The following SETX variants were observed in gnomAD, a reference collection of about 807,000 sequenced individuals.
The protein encoded by SETX is helicase senataxin.
SETX carries 90 observed loss-of-function variants against 227.2 expected under a neutral mutation model. The ratio of observed to expected loss-of-function variants is 0.40; its 90% confidence interval spans 0.33 to 0.47. SETX has a LOEUF of 0.47. SETX is among the 20% of genes least tolerant of loss of function. The pLI is 0.91. For synonymous variants in SETX, 1,210 were observed against 1,113.2 expected (o/e 1.09, Z -1.73); for missense variants, 3,052 against 3,181.5 (o/e 0.96, Z 0.98).
chr9:132,278,345 G>C, intron 20 of SETX, 88 bp from the exon 21 acceptor site: 1 of 1,295,298 alleles, frequency 7.7e-7, no homozygotes, highest in Non-Finnish European at 1.1e-6. Flanking sequence ...GATCTAATAC[G>C]TATATGGCAA....
chr9:132,299,952 AAC>A (rs1844891063), intron 12 of SETX, among the ~76,000 whole-genome samples: 1 of 151,972 alleles, frequency 6.6e-6, no homozygotes, highest in Non-Finnish European at 1.5e-5. Context: ...AACATGGTGA[AAC>A]CCCGTCTCCA....
chr9:132,288,608 C>T lies in SETX; in HGVS notation c.6150G>A (p.Lys2050=), dbSNP rs749214473. 3 of 1,613,876 alleles carry T rather than the reference C, an allele frequency of 1.9e-6. No individual in the cohort carries two copies. Among genetic ancestry groups the T allele is most frequent in the Non-Finnish European group, 2.5e-6 (3 of 1,179,852 alleles). The change falls in exon 16 of 26, where the codon AAG becomes AAA. Residue 2050 remains lysine (K), a synonymous_variant. Transcript: ENST00000224140. ...ACTTTAGAACCTCACTATTAATAGACTTTTCTGGACCCAGTCGTACTAAAT... is the reference window on the plus strand; with the variant it reads ...ACTTTAGAACCTCACTATTAATAGATTTTTCTGGACCCAGTCGTACTAAAT... ...DINLVRLGPE[K]SINSEVLKFS... is the part of the protein sequence containing the mutation.
In SETX at chr9:132,288,553, T is replaced by C. The variant is rs754316545; in HGVS notation, c.6205A>G (p.Met2069Val). 5.0e-6 allele frequency: 8 copies of C among 1,607,676 alleles called. No homozygotes were observed. The highest frequency in any genetic ancestry group is 5.1e-6 in the Non-Finnish European group (6 of 1,174,338). Residue 2069 changes from methionine to valine, a missense_variant, in exon 16 of 26, where the codon ATG (methionine) becomes GTG (valine). Physicochemically the swap from Met to Val is conservative, Grantham distance 21. Transcript: ENST00000224140. The stretch of plus-strand genomic sequence containing the variant: ...ATATACCACATTCAGTACTTACTCA[T>C]TCTGTGGTTTACTTGGCTGTCCAAA... ...FSLDSQVNHR[M>V]KKELPSHVQA... is the part of the protein sequence containing the mutation.
At chr9:132,333,416 T>TATATACACAC (rs779955041) in intron 7 of SETX, among the ~76,000 whole-genome samples, 1 of 88,092 alleles carries the variant, frequency 1.1e-5, no homozygotes, top group African/African-American at 5.2e-5. Context: ...AAAATATATA[T>TATATACACAC]ACACACACAC....
chr9:132,325,835 G>A (rs1362809009), intron 10 of SETX, among the ~76,000 whole-genome samples: 2 of 151,316 alleles, frequency 1.3e-5, no homozygotes, highest in Admixed American at 1.3e-4. Flanking sequence ...GGGAGGCTGA[G>A]GCAGGAGAAT....
At chr9:132,275,561 C>T (rs1261945745) in intron 22 of SETX, 141 bp from the exon 23 acceptor site, 2 of 672,572 alleles carry the variant, frequency 3.0e-6, no homozygotes, top group East Asian at 2.7e-5. Flanking sequence ...CTAGCAGTGA[C>T]TCCAAGAGGC....
At position 132,309,312 on chromosome 9, in the gene SETX, A is replaced by G. The variant is rs185267189; in HGVS notation, c.5374+2445T>C. 1.1e-4 allele frequency among the ~76,000 whole-genome samples: 16 copies of G among 152,260 alleles called. No homozygotes were observed. In the East Asian group the frequency reaches 2.9e-3, roughly 28 times the overall value. On this transcript the variant is annotated intron_variant, in intron 11 of 25. Coordinates refer to ENST00000224140, the MANE Select transcript of SETX (RefSeq NM_015046.7). ...TTAAGTGGACTCCAGACGCATGACA[A>G]ACATAGCAGTGCAGTGAAGCACAAA...
chr9:132,328,618 C>G lies in SETX; in HGVS notation c.2980G>C (p.Asp994His). The G allele has an allele frequency of 6.2e-7, 1 of 1,613,430 alleles. No homozygotes were observed. ...SSQLQRKVKE[D>H]KRCFTANQNN... ...TGGTTAGCTGTGAAACATCTTTTAT[C>G]TTCTTTTACTTTCCTTTGCAGCTGC... Residue 994 changes from aspartate to histidine, a missense_variant, in exon 10 of 26, where the codon GAT becomes CAT. Around this residue, in one of 10 missense-constraint regions of SETX, gnomAD observed 1,483 missense variants for 1,312.0 expected, o/e 1.13. Transcript: ENST00000224140.
At chr9:132,355,140 A>C (rs1424835656), upstream of SETX, among the ~76,000 whole-genome samples, 1 of 152,016 alleles carries the variant, frequency 6.6e-6, no homozygotes, top group Non-Finnish European at 1.5e-5. Context: ...GCCGCGGTGC[A>C]CCGCCCACGC....
chr9:132,307,659 C>A lies in SETX; in HGVS notation c.5374+4098G>T, dbSNP rs375800603. On this transcript the variant is annotated intron_variant, in intron 11 of 25. Coordinates refer to ENST00000224140, the MANE Select transcript of SETX (RefSeq NM_015046.7). ...AGTTCTTTTTTAAGCTTACCAGTCA[C>A]CACTGGCACTTACTAGTGATTTTTT... Among the ~76,000 whole-genome samples the A allele has an allele frequency of 3.3e-5, 5 of 151,864 alleles. No homozygotes were observed. In the East Asian group the frequency reaches 7.7e-4, roughly 23 times the overall value.
chr9:132,356,207 C>G (rs1183766), upstream of SETX, among the ~76,000 whole-genome samples: 3 of 151,554 alleles, frequency 2.0e-5, no homozygotes, highest in African/African-American at 7.3e-5. Flanking sequence ...CTATCCCCCC[C>G]CTTTTTTGTT....
rs199954758 is a variant in SETX, at chr9:132,269,601, T to G, written c.7287+14A>C. The G allele has an allele frequency of 1.2e-6, 2 of 1,613,998 alleles. No homozygotes were observed. The highest frequency in any genetic ancestry group is 1.7e-6 in the Non-Finnish European group (2 of 1,179,836). On this transcript the variant is annotated intron_variant, in intron 25 of 25. Coordinates refer to ENST00000224140, the MANE Select transcript of SETX (RefSeq NM_015046.7). ...AGTAACAATGGGTAAACTTCTGAGC[T>G]CTCTGGTACCTACCATCAGGGTCCT...
chr9:132,264,842 A>C lies in SETX; in HGVS notation c.7431T>G (p.Pro2477=). The part of the protein sequence containing the change: ...PVLQRSLTHP[P]TIAPEGSRPQ... ...GTCTGGACCCCTCTGGGGCTATGGTAGGAGGGTGAGTGAGACTTCTCTGCA... is the reference window on the plus strand; with the variant it reads ...GTCTGGACCCCTCTGGGGCTATGGTCGGAGGGTGAGTGAGACTTCTCTGCA... Residue 2477 remains proline (P), a synonymous_variant, in exon 26 of 26, where the codon CCT becomes CCG. Coordinates refer to ENST00000224140, the MANE Select transcript of SETX (RefSeq NM_015046.7). 6.2e-7 allele frequency: 1 copy of C among 1,614,148 alleles called. No individual in the cohort carries two copies. The highest frequency in any genetic ancestry group is 8.5e-7 in the Non-Finnish European group (1 of 1,180,020).
intron 11 of SETX, among the ~76,000 whole-genome samples, chr9:132,309,651 G>T (rs949685061): frequency 1.3e-5 from 2 of 151,934 alleles, no homozygotes. Flanking sequence ...GATCAGCCTG[G>T]GCAACGGCAC....
In SETX at chr9:132,296,970, C is replaced by A; in HGVS notation, c.5866G>T (p.Ala1956Ser). 1 of 1,614,070 alleles carries A rather than the reference C, an allele frequency of 6.2e-7. No individual in the cohort carries two copies. The highest frequency in any genetic ancestry group is 8.5e-7 in the Non-Finnish European group (1 of 1,179,988). ...YAMVKHSPSV[A>S]KICLIHGPPG... ...GGTCCATGAATCAAGCAGATTTTGG[C>A]AACTGATGGTGAGTGTTTCACCATA... The change falls in exon 14 of 26, where the codon GCC (alanine) becomes TCC (serine). Residue 1956 changes from alanine to serine, a missense_variant. Coordinates refer to ENST00000224140, the MANE Select transcript of SETX (RefSeq NM_015046.7).
intron 18 of SETX, among the ~76,000 whole-genome samples, chr9:132,284,884 G>C (rs1247829298): frequency 7.1e-6 from 1 of 140,632 alleles, no homozygotes; most frequent in African/African-American, 2.7e-5. Context: ...TTTTTTTGTT[G>C]TTTTTTTTTT....
rs1448617445 is a variant in SETX, at chr9:132,329,083, G to A, written c.2515C>T (p.His839Tyr). The change falls in exon 10 of 26, where the codon CAC (histidine) becomes TAC (tyrosine). Residue 839 changes from histidine to tyrosine, a missense_variant. Physicochemically the swap from His to Tyr is moderately conservative, Grantham distance 83. Around this residue, in one of 10 missense-constraint regions of SETX, gnomAD observed 1,483 missense variants for 1,312.0 expected, o/e 1.13. Coordinates refer to ENST00000224140, the MANE Select transcript of SETX (RefSeq NM_015046.7). The stretch of plus-strand genomic sequence containing the variant: ...CCACTAGGGTCTAAAGAAAGATTGT[G>A]TATGAAACCATCTCCTTTCTGAACT... ...TGVQKGDGFIHNLSLDPSGVL... is the reference protein window; with the variant it reads ...TGVQKGDGFIYNLSLDPSGVL... 1.9e-6 allele frequency: 3 copies of A among 1,610,204 alleles called. No individual in the cohort carries two copies. The highest frequency in any genetic ancestry group is 2.5e-6 in the Non-Finnish European group (3 of 1,179,362).
At chr9:132,318,927 C>T (rs1197258735) in intron 10 of SETX, among the ~76,000 whole-genome samples, 1 of 152,142 alleles carries the variant, frequency 6.6e-6, no homozygotes, top group Admixed American at 6.5e-5. Flanking sequence ...CTTCCCATCC[C>T]AAGAACCCAA....
rs1414494401 is a variant in SETX at position 132,264,687 on chromosome 9, C to T, written c.7586G>A (p.Arg2529Lys). Residue 2529 changes from arginine to lysine, a missense_variant, in exon 26 of 26, where the codon AGA (arginine) becomes AAA (lysine). Arg to Lys is a conservative substitution (Grantham distance 26). This residue lies in a region of SETX where 294 missense variants were observed against 278.8 expected (regional missense o/e 1.05). Coordinates refer to ENST00000224140, the MANE Select transcript of SETX (RefSeq NM_015046.7). ...TLTVTSKDPE[R>K]PPVHDQLQDP... The stretch of plus-strand genomic sequence containing the variant: ...CTGAAGTTGGTCATGAACAGGAGGT[C>T]TTTCAGGGTCCTTTGAAGTAACAGT... The T allele has an allele frequency of 1.2e-6, 2 of 1,614,180 alleles. No homozygotes were observed. The highest frequency in any genetic ancestry group is 4.5e-5 in the East Asian group (2 of 44,886).
Sources: allele counts gnomAD v4.1 joint callset (sites outside exome capture counted in the v4.1 genomes callset), GRCh38; gene constraint gnomAD v4.1.1; regional missense constraint gnomAD v4.1.1; transcripts MANE v1.5; gene names NCBI Gene and HGNC (gene_info 2026-07-23, HGNC 2026-07-21).